CDKAL1: variants seen among roughly 807,000 people sequenced by gnomAD.
CDKAL1 encodes the protein CDKAL1 threonylcarbamoyladenosine tRNA methylthiotransferase.
In CDKAL1, 32 loss-of-function variants were observed where a neutral mutation model predicts 68.2. The observed-to-expected ratio is 0.47, with a 90% CI of 0.35 to 0.63. The LOEUF (loss-of-function observed/expected upper bound fraction) is 0.63. Among genes scored for constraint, CDKAL1 ranks in the 30% least tolerant of loss-of-function variants. CDKAL1 has a pLI of 0.00. For missense variants in CDKAL1, 606 were observed against 696.7 expected (o/e 0.87, Z 1.47); for synonymous variants, 234 against 244.3 (o/e 0.96, Z 0.39).
chr6:21,147,084 G>C (rs1051944830), intron 13 of CDKAL1, among the ~76,000 whole-genome samples: 7 of 152,094 alleles, frequency 4.6e-5, no homozygotes, highest in East Asian at 1.9e-4. Context: ...TTGACTGGTG[G>C]GGGGGAAGTG....
chr6:20,951,789 G>C (rs750864105), intron 9 of CDKAL1, among the ~76,000 whole-genome samples: 2 of 151,994 alleles, frequency 1.3e-5, no homozygotes, highest in African/African-American at 2.4e-5. Context: ...TTAGAAAAAA[G>C]TAAAATCTTC....
At chr6:20,736,201 T>C (rs1478286799) in intron 5 of CDKAL1, among the ~76,000 whole-genome samples, 1 of 152,184 alleles carries the variant, frequency 6.6e-6, no homozygotes, top group Non-Finnish European at 1.5e-5. Context: ...GCTGCCTGTT[T>C]TTGTAAATAA....
At chr6:20,552,662 ATATAT>A (rs1763881074) in intron 4 of CDKAL1, among the ~76,000 whole-genome samples, 1 of 139,070 alleles carries the variant, frequency 7.2e-6, no homozygotes, top group African/African-American at 2.7e-5. Flanking sequence ...TGTTGCTTTT[ATATAT>A]TATATGTATT....
Position 20,798,933 on chromosome 6 carries a change from A to G in CDKAL1, c.638+17668A>G, listed in dbSNP as rs183399822. ...ATAATAATACAAAAAAAAAAAAAAA[A>G]AGAAAAGAAAATTGTGTTAAAAGGT... is the stretch of plus-strand genomic sequence containing the variant. On this transcript the variant is annotated intron_variant, in intron 8 of 15. Coordinates refer to ENST00000274695, the MANE Select transcript of CDKAL1 (RefSeq NM_017774.3). 3.8e-3 allele frequency among the ~76,000 whole-genome samples: 573 copies of G among 150,250 alleles called. 8 individuals are homozygous for G. The highest frequency in any genetic ancestry group is 0.013 in the African/African-American group (526 of 41,158).
intron 9 of CDKAL1, among the ~76,000 whole-genome samples, chr6:20,954,404 T>C (rs557924128): frequency 6.6e-6 from 1 of 152,356 alleles, no homozygotes; most frequent in African/African-American, 2.4e-5. Flanking sequence ...TAGAAACTTA[T>C]ACTTTGGTTC....
intron 10 of CDKAL1, among the ~76,000 whole-genome samples, chr6:20,969,418 A>G (rs1002252344): frequency 2.0e-5 from 3 of 152,192 alleles, no homozygotes; most frequent in African/African-American, 7.2e-5. Flanking sequence ...CTTCATACTG[A>G]ATAGGCTGAG....
chr6:20,654,304 T>TG (rs1768923596), intron 5 of CDKAL1, among the ~76,000 whole-genome samples: 1 of 152,056 alleles, frequency 6.6e-6, no homozygotes, highest in African/African-American at 2.4e-5. Context: ...TTCTGGTTTT[T>TG]TTTTTTCATT....
chr6:20,791,682 T>C (rs559075261), intron 8 of CDKAL1, among the ~76,000 whole-genome samples: 1 of 152,176 alleles, frequency 6.6e-6, no homozygotes, highest in African/African-American at 2.4e-5. Flanking sequence ...GCTGTGTATC[T>C]ATGTTGTATT....
intron 4 of CDKAL1, among the ~76,000 whole-genome samples, chr6:20,627,285 A>G (rs1767475079): frequency 6.6e-6 from 1 of 152,210 alleles, no homozygotes; most frequent in Non-Finnish European, 1.5e-5. Context: ...GGAATGAGAT[A>G]ACTCAAATAA....
intron 5 of CDKAL1, among the ~76,000 whole-genome samples, chr6:20,659,239 T>G (rs1245429795): frequency 6.6e-6 from 1 of 152,260 alleles, no homozygotes; most frequent in African/African-American, 2.4e-5. Flanking sequence ...ATGCAAGTTA[T>G]TTGAGTTATA....
Position 20,546,526 on chromosome 6 carries a change from A to G in CDKAL1, c.173+3A>G. 6.2e-7 allele frequency: 1 copy of G among 1,611,046 alleles called. No homozygotes were observed. Among genetic ancestry groups the G allele is most frequent in the Non-Finnish European group, 8.5e-7 (1 of 1,178,646 alleles). ...GAAAACAGTCCACCAAGTGACAGGT[A>G]AGCTTTTTTCCTTGAAATTATATTC... is the stretch of plus-strand genomic sequence containing the variant. On this transcript the variant is annotated splice_donor_region_variant and intron_variant, in intron 3 of 15. Transcript: ENST00000274695.
At chr6:20,945,381 G>A (rs757284983) in intron 9 of CDKAL1, among the ~76,000 whole-genome samples, 6 of 152,084 alleles carry the variant, frequency 3.9e-5, no homozygotes, top group Non-Finnish European at 8.8e-5. Flanking sequence ...AAATCCCTCT[G>A]TCCCAAGCAT....
chr6:20,810,105 A>T (rs1270449503), intron 8 of CDKAL1, among the ~76,000 whole-genome samples: 1 of 152,072 alleles, frequency 6.6e-6, no homozygotes, highest in African/African-American at 2.4e-5. Flanking sequence ...CCACAGTTTT[A>T]ACTCTTTTAA....
chr6:21,068,552 G>A (rs921373431), intron 12 of CDKAL1, among the ~76,000 whole-genome samples: 2 of 152,058 alleles, frequency 1.3e-5, no homozygotes, highest in East Asian at 3.9e-4. Flanking sequence ...GTACATGTGT[G>A]GGTCTGTCCT....
intron 9 of CDKAL1, among the ~76,000 whole-genome samples, chr6:20,914,735 T>C (rs531494567): frequency 1.1e-4 from 17 of 152,356 alleles, no homozygotes; most frequent in African/African-American, 3.8e-4. Flanking sequence ...TAGAACATAA[T>C]AACAGTTTTC....
At chr6:20,794,268 G>A (rs1776021668) in intron 8 of CDKAL1, among the ~76,000 whole-genome samples, 1 of 152,152 alleles carries the variant, frequency 6.6e-6, no homozygotes, top group South Asian at 2.1e-4. Flanking sequence ...AGAAGTAGTT[G>A]AATTTAAATA....
At chr6:21,097,836 G>T (rs1489842847) in intron 12 of CDKAL1, among the ~76,000 whole-genome samples, 1 of 152,190 alleles carries the variant, frequency 6.6e-6, no homozygotes, top group Non-Finnish European at 1.5e-5. Flanking sequence ...TACAATGATT[G>T]TCTTGAAGTA....
intron 4 of CDKAL1, among the ~76,000 whole-genome samples, chr6:20,572,074 G>T (rs558688784): frequency 1.1e-4 from 16 of 152,264 alleles, no homozygotes; most frequent in African/African-American, 3.8e-4. Context: ...GATCTAAAAT[G>T]ATATTCTAAT....
chr6:20,860,995 A>T (rs5007237), intron 9 of CDKAL1, among the ~76,000 whole-genome samples: 110,967 of 149,210 alleles, frequency 0.74, 41,367 homozygotes, highest in Non-Finnish European at 0.76. Flanking sequence ...GTTCTCTACA[A>T]CCTCATCCTA....
Sources: allele counts gnomAD v4.1 joint callset (sites outside exome capture counted in the v4.1 genomes callset), GRCh38; gene constraint gnomAD v4.1.1; transcripts MANE v1.5; gene names NCBI Gene and HGNC (gene_info 2026-07-23, HGNC 2026-07-21).